APP: variants seen among roughly 807,000 people sequenced by gnomAD.
APP encodes amyloid-beta precursor protein.
Under a neutral mutation model 101.4 loss-of-function variants are expected in APP, and 31 were observed. The ratio of observed to expected loss-of-function variants is 0.31; its 90% confidence interval spans 0.23 to 0.41. The LOEUF (loss-of-function observed/expected upper bound fraction) is 0.41. Ranked by LOEUF, APP falls within the 10% of genes least tolerant of loss-of-function variation. The pLI is 1.00. For missense variants in APP, 839 were observed against 1,003.7 expected, an observed-to-expected ratio of 0.84 and a Z score of 2.22; for synonymous variants, 366 against 364.4, an observed-to-expected ratio of 1.00 and a Z score of -0.05.
chr21:26,044,835 G>A (rs190536977), intron 5 of APP, among the ~76,000 whole-genome samples: 5 of 152,248 alleles, frequency 3.3e-5, no homozygotes, highest in Admixed American at 6.5e-5. Context: ...TACTGCGCCC[G>A]GCTGAGCAAT....
intron 3 of APP, among the ~76,000 whole-genome samples, chr21:26,058,891 C>T (rs1354664879): frequency 3.3e-5 from 5 of 152,056 alleles, no homozygotes; most frequent in Non-Finnish European, 2.9e-5. Context: ...ACCATCCTGG[C>T]TAACACGGTG....
chr21:26,026,146 T>C (rs1369453102), intron 5 of APP, among the ~76,000 whole-genome samples: 1 of 152,224 alleles, frequency 6.6e-6, no homozygotes, highest in African/African-American at 2.4e-5. Flanking sequence ...CATAAAACAA[T>C]TTCCTTACAA....
chr21:25,891,418 A>G (rs146428336), intron 17 of APP, among the ~76,000 whole-genome samples: 3 of 152,296 alleles, frequency 2.0e-5, no homozygotes, highest in East Asian at 3.9e-4. Flanking sequence ...TTGAAAAAAA[A>G]AAGTCTAAGA....
intron 13 of APP, among the ~76,000 whole-genome samples, chr21:25,928,057 C>G (rs112662367): frequency 0.049 from 7,404 of 152,114 alleles, 601 homozygotes; most frequent in African/African-American, 0.17. Context: ...TAAAAAACAA[C>G]TTTATGGCCA....
intron 13 of APP, among the ~76,000 whole-genome samples, chr21:25,915,165 C>CCT (rs2039291895): frequency 6.6e-6 from 1 of 152,226 alleles, no homozygotes; most frequent in African/African-American, 2.4e-5. Flanking sequence ...CTACACCACA[C>CCT]CTCTCTCTCA....
At chr21:25,989,891 T>G (rs116079796) in intron 8 of APP, among the ~76,000 whole-genome samples, 2 of 151,528 alleles carry the variant, frequency 1.3e-5, no homozygotes, top group Non-Finnish European at 1.5e-5. Flanking sequence ...CCGAGTGCCA[T>G]GCTTATTATA....
chr21:25,979,163 A>G (rs190601954), intron 9 of APP, among the ~76,000 whole-genome samples: 31 of 152,356 alleles, frequency 2.0e-4, no homozygotes, highest in Non-Finnish European at 3.1e-4. Flanking sequence ...GTTTAGAGTT[A>G]TACTCCACAA....
intron 3 of APP, among the ~76,000 whole-genome samples, chr21:26,064,558 G>A (rs1439336747): frequency 6.6e-6 from 1 of 151,904 alleles, no homozygotes; most frequent in Admixed American, 6.6e-5. Context: ...TGTCTCATAG[G>A]GTTTTACTGG....
At chr21:25,954,005 A>C (rs1160616897) in intron 13 of APP, among the ~76,000 whole-genome samples, 1 of 152,234 alleles carries the variant, frequency 6.6e-6, no homozygotes. Flanking sequence ...CTATCTTTTA[A>C]GTTTAAACAA....
intron 5 of APP, among the ~76,000 whole-genome samples, chr21:26,038,949 C>A (rs1481081554): frequency 6.6e-6 from 1 of 152,096 alleles, no homozygotes; most frequent in Non-Finnish European, 1.5e-5. Context: ...AAGAAATAGG[C>A]TCAAAAAGAT....
At chr21:26,065,298 T>C (rs2046415629) in intron 3 of APP, among the ~76,000 whole-genome samples, 1 of 152,180 alleles carries the variant, frequency 6.6e-6, no homozygotes, top group Non-Finnish European at 1.5e-5. Flanking sequence ...ACATCAACAT[T>C]CTAGCCTTCA....
chr21:26,153,785 C>A (rs1201657744), intron 1 of APP, among the ~76,000 whole-genome samples: 2 of 152,094 alleles, frequency 1.3e-5, no homozygotes, highest in Non-Finnish European at 2.9e-5. Context: ...GATGAGAAGT[C>A]CTGAGGATCA....
intron 1 of APP, among the ~76,000 whole-genome samples, chr21:26,147,342 T>C (rs2063174601): frequency 6.6e-6 from 1 of 152,224 alleles, no homozygotes; most frequent in Non-Finnish European, 1.5e-5. Flanking sequence ...TAGCATATAA[T>C]GTTAAAGAAT....
intron 1 of APP, among the ~76,000 whole-genome samples, chr21:26,156,462 C>G (rs1314939964): frequency 6.6e-6 from 1 of 152,138 alleles, no homozygotes. Context: ...TTTCTCACAA[C>G]GTATTCTTGG....
intron 5 of APP, among the ~76,000 whole-genome samples, chr21:26,043,153 T>C (rs1057440064): frequency 2.6e-5 from 4 of 152,216 alleles, no homozygotes; most frequent in Admixed American, 6.5e-5. Flanking sequence ...ATGGGACCCA[T>C]CATGCTATGT....
intron 6 of APP, among the ~76,000 whole-genome samples, chr21:26,014,596 C>T (rs2043969899): frequency 6.6e-6 from 1 of 152,130 alleles, no homozygotes; most frequent in African/African-American, 2.4e-5. Flanking sequence ...GAGACTCATC[C>T]CTCTCAAGGA....
At chr21:26,142,868 T>G (rs1019119512) in intron 1 of APP, among the ~76,000 whole-genome samples, 1 of 152,194 alleles carries the variant, frequency 6.6e-6, no homozygotes, top group Non-Finnish European at 1.5e-5. Flanking sequence ...ATTTCAGAGA[T>G]AAGTAAAACT....
At chr21:25,916,736 G>C (rs147964997) in intron 13 of APP, among the ~76,000 whole-genome samples, 1 of 152,052 alleles carries the variant, frequency 6.6e-6, no homozygotes, top group Non-Finnish European at 1.5e-5. Flanking sequence ...TTCCTCCCAA[G>C]ACTTATTTTT....
At chr21:26,026,937 G>C (rs182572981) in intron 5 of APP, among the ~76,000 whole-genome samples, 129 of 152,352 alleles carry the variant, frequency 8.5e-4, no homozygotes, top group African/African-American at 3.0e-3. Context: ...CTGTGCAAGT[G>C]TATGAACAGG....
Sources: allele counts gnomAD v4.1 joint callset (sites outside exome capture counted in the v4.1 genomes callset), GRCh38; gene constraint gnomAD v4.1.1; transcripts MANE v1.5; gene names NCBI Gene and HGNC (gene_info 2026-07-23, HGNC 2026-07-21).